SCRN1: variants seen among roughly 807,000 people sequenced by gnomAD.
The protein encoded by SCRN1 is secernin 1, also known as secernin-1.
A neutral mutation model predicts 43.3 loss-of-function variants in SCRN1; 19 were observed. The observed-to-expected ratio is 0.44, with a 90% CI of 0.31 to 0.64. The LOEUF (loss-of-function observed/expected upper bound fraction) is 0.64. Ranked by LOEUF, SCRN1 falls within the 30% of genes least tolerant of loss-of-function variation. The pLI is 0.09. For missense variants in SCRN1, 447 were observed against 524.1 expected (o/e 0.85, Z 1.44); for synonymous variants, 183 against 188.9 (o/e 0.97, Z 0.26).
intron 2 of SCRN1, among the ~76,000 whole-genome samples, chr7:29,958,906 G>T (rs1002291600): frequency 5.3e-5 from 8 of 152,328 alleles, no homozygotes; most frequent in Admixed American, 1.3e-4. Context: ...GGATCCGCCT[G>T]TCCTGAGCTT....
chr7:29,950,230 G>C lies in SCRN1; in HGVS notation c.341+4949C>G, dbSNP rs1787875920. 6.6e-6 allele frequency among the ~76,000 whole-genome samples: 1 copy of C among 152,238 alleles called. No individual in the cohort carries two copies. The highest frequency in any genetic ancestry group is 1.5e-5 in the Non-Finnish European group (1 of 68,046). The stretch of plus-strand genomic sequence containing the variant: ...AGCACCTGCTCCAGTGCAGAGCAAA[G>C]TTGTGGCTGAGCCCAGGTGCTATTG... On this transcript the variant is annotated intron_variant, in intron 3 of 7. Coordinates refer to ENST00000242059, the MANE Select transcript of SCRN1 (RefSeq NM_014766.5). The surrounding 1 kb of genome is among the most constrained non-coding windows in gnomAD (Gnocchi z 4.5).
intron 3 of SCRN1, chr7:29,947,299 G>C: frequency 6.4e-7 from 1 of 1,550,726 alleles, no homozygotes; most frequent in Non-Finnish European, 8.7e-7. Flanking sequence ...CACCCTGCCC[G>C]TTCCTGAAAA....
chr7:29,956,422 G>A (rs1283969785), intron 2 of SCRN1, among the ~76,000 whole-genome samples: 1 of 152,206 alleles, frequency 6.6e-6, no homozygotes, highest in African/African-American at 2.4e-5. Flanking sequence ...GTTACACAGT[G>A]CTCTGGAGCT....
intron 3 of SCRN1, among the ~76,000 whole-genome samples, chr7:29,953,878 T>C (rs533366502): frequency 1.5e-4 from 23 of 152,228 alleles, no homozygotes; most frequent in African/African-American, 4.3e-4. Flanking sequence ...TCGGAAGTCA[T>C]CCAATCTAGA....
chr7:29,981,851 G>A (rs1441941218), intron 1 of SCRN1, among the ~76,000 whole-genome samples: 1 of 152,170 alleles, frequency 6.6e-6, no homozygotes, highest in Non-Finnish European at 1.5e-5. Context: ...TTCCACCTAT[G>A]AGAGCCTGAT....
intron 1 of SCRN1, among the ~76,000 whole-genome samples, chr7:29,984,854 G>C (rs1405656661): frequency 7.1e-6 from 1 of 141,112 alleles, no homozygotes; most frequent in Non-Finnish European, 1.5e-5. Flanking sequence ...CTGGGGCAGA[G>C]GTTGCAGTGA....
chr7:29,978,769 AC>A (rs1299726642), intron 1 of SCRN1, among the ~76,000 whole-genome samples: 1 of 152,230 alleles, frequency 6.6e-6, no homozygotes, highest in Non-Finnish European at 1.5e-5. Context: ...CTCTGGGAGA[AC>A]CCCATAGCTC....
At chr7:29,964,657 A>T (rs1788430596) in intron 2 of SCRN1, among the ~76,000 whole-genome samples, 1 of 152,182 alleles carries the variant, frequency 6.6e-6, no homozygotes, top group African/African-American at 2.4e-5. Context: ...ATAATACTGT[A>T]TCAGGCCGGG....
chr7:29,981,417 G>A (rs970801900), intron 1 of SCRN1, among the ~76,000 whole-genome samples: 1 of 152,224 alleles, frequency 6.6e-6, no homozygotes, highest in African/African-American at 2.4e-5. Flanking sequence ...ACAACCAAGA[G>A]AGAAAGTTAG....
chr7:29,978,740 C>T (rs1788906367), intron 1 of SCRN1, among the ~76,000 whole-genome samples: 1 of 152,216 alleles, frequency 6.6e-6, no homozygotes, highest in Admixed American at 6.5e-5. Context: ...AAAAGTATGG[C>T]CCTGCAATAA....
intron 2 of SCRN1, among the ~76,000 whole-genome samples, chr7:29,959,484 T>C (rs1364874680): frequency 6.6e-6 from 1 of 152,120 alleles, no homozygotes; most frequent in African/African-American, 2.4e-5. Context: ...GCCTAGGCTG[T>C]CCTCCCAATA....
At position 29,951,931 on chromosome 7, in the gene SCRN1, T is replaced by C. The variant is rs369876228; in HGVS notation, c.341+3248A>G. On this transcript the variant is annotated intron_variant, in intron 3 of 7. Transcript: ENST00000242059. Reference sequence around the variant, plus strand: ...AGTATAGGGGCAACTACTGTATTCATTGAATAATCAACCACAGTCTAGCAG... The same window carrying C: ...AGTATAGGGGCAACTACTGTATTCACTGAATAATCAACCACAGTCTAGCAG... 5.3e-5 allele frequency among the ~76,000 whole-genome samples: 8 copies of C among 152,344 alleles called. No individual in the cohort carries two copies. The East Asian group carries it at 9.6e-4, about 18-fold the overall frequency.
In SCRN1 at chr7:29,936,732, A is replaced by G; in HGVS notation, c.740-11T>C. The G allele has an allele frequency of 1.3e-6, 2 of 1,524,488 alleles. No homozygotes were observed. The highest frequency in any genetic ancestry group is 1.8e-6 in the Non-Finnish European group (2 of 1,120,828). The allele number at this position is 1,524,488 out of a possible 1,614,324, so 94.4% of individuals were successfully genotyped here. A position where few individuals can be genotyped will look rare whatever the true frequency, so the allele number is the denominator to read the frequency against. On this transcript the variant is annotated splice_polypyrimidine_tract_variant and intron_variant, in intron 5 of 7. Transcript: ENST00000242059. ...GCACTGTGATGCTTTCTGCAAAAAC[A>G]CAAAAGACAGACAAATGGAAAGAGT...
chr7:29,968,378 A>T (rs143996531), intron 2 of SCRN1, among the ~76,000 whole-genome samples: 18 of 152,330 alleles, frequency 1.2e-4, no homozygotes, highest in African/African-American at 4.1e-4. Flanking sequence ...GTAGAGATTC[A>T]ACCTGAGAAA....
chr7:29,940,033 C>A (rs1404060230), intron 5 of SCRN1, among the ~76,000 whole-genome samples: 1 of 151,890 alleles, frequency 6.6e-6, no homozygotes, highest in Non-Finnish European at 1.5e-5. Flanking sequence ...GTTTGTAGTC[C>A]CAGCTGTTGG....
chr7:29,939,476 A>G (rs1446711715), intron 5 of SCRN1, among the ~76,000 whole-genome samples: 2 of 152,150 alleles, frequency 1.3e-5, no homozygotes, highest in Non-Finnish European at 2.9e-5. Flanking sequence ...CAGCCTCCCC[A>G]AAGTACTGTG....
In SCRN1 at chr7:29,923,981, G is replaced by A; in HGVS notation, c.1221C>T (p.Asp407=). The change falls in exon 8 of 8, where the codon GAC becomes GAT. Residue 407 remains aspartate, a synonymous_variant. Transcript: ENST00000242059. ...EVGDLFYDCV[D]TEIKFFK ...TTCACTTAAAGAACTTAATCTCCGT[G>A]TCAACACAGTCATAGAAAAGGTCCC... is the stretch of plus-strand genomic sequence containing the variant. 6.2e-7 allele frequency: 1 copy of A among 1,613,554 alleles called. No individual in the cohort carries two copies. The highest frequency in any genetic ancestry group is 8.5e-7 in the Non-Finnish European group (1 of 1,179,824).
intron 1 of SCRN1, chr7:29,989,044 C>G (rs2127937015): frequency 1.3e-5 from 2 of 152,174 alleles, no homozygotes; most frequent in East Asian, 1.9e-4. Context: ...GAAGTTGTGT[C>G]AAGTCCCACG....
At chr7:29,968,808 C>T (rs1049200339) in intron 2 of SCRN1, 101 bp downstream of exon 2, 21 of 1,434,248 alleles carry the variant, frequency 1.5e-5, no homozygotes, top group Non-Finnish European at 2.0e-5. Context: ...CATGATAGCT[C>T]TGACTTGTGA....
Sources: allele counts gnomAD v4.1 joint callset (sites outside exome capture counted in the v4.1 genomes callset), GRCh38; gene constraint gnomAD v4.1.1; non-coding constraint Gnocchi (gnomAD v3.1); transcripts MANE v1.5; gene names NCBI Gene and HGNC (gene_info 2026-07-23, HGNC 2026-07-21).